Variants in SPPL3 observed in about 807,000 individuals in gnomAD.
SPPL3 encodes signal peptide peptidase-like 3.
A neutral mutation model predicts 42.4 loss-of-function variants in SPPL3; 5 were observed. The observed-to-expected ratio is 0.12, with a 90% CI of 0.06 to 0.25. SPPL3 has a LOEUF of 0.25. Among genes scored for constraint, SPPL3 ranks in the 10% least tolerant of loss-of-function variants. The pLI, the probability that SPPL3 is intolerant of heterozygous loss-of-function variation, is 1.00. For synonymous variants in SPPL3, 195 were observed against 181.8 expected (o/e 1.07, Z -0.58); for missense variants, 235 against 489.0 (o/e 0.48, Z 4.90).
chr12:120,870,732 C>T (rs1285892169), intron 1 of SPPL3, among the ~76,000 whole-genome samples: 1 of 152,038 alleles, frequency 6.6e-6, no homozygotes, highest in Non-Finnish European at 1.5e-5. Flanking sequence ...GTATGCCAGT[C>T]ACAAAAGGAC....
intron 1 of SPPL3, 96 bp downstream of exon 1, chr12:120,903,749 C>A: frequency 1.5e-6 from 1 of 649,330 alleles, no homozygotes; most frequent in Non-Finnish European, 2.3e-6. Flanking sequence ...CCCCACGACA[C>A]GCACCTGTTC....
chr12:120,816,423 A>G (rs970671390), intron 1 of SPPL3, among the ~76,000 whole-genome samples: 1 of 152,280 alleles, frequency 6.6e-6, no homozygotes, highest in Admixed American at 6.5e-5. Context: ...TTTACCAAAT[A>G]TCACATAACT....
chr12:120,900,392 A>G (rs1440995560), intron 1 of SPPL3, among the ~76,000 whole-genome samples: 2 of 151,368 alleles, frequency 1.3e-5, no homozygotes, highest in Non-Finnish European at 2.9e-5. Flanking sequence ...CAGGCAGATC[A>G]CTTGGGCTGA....
intron 8 of SPPL3, among the ~76,000 whole-genome samples, chr12:120,767,817 C>A (rs1278877385): frequency 6.6e-6 from 1 of 152,176 alleles, no homozygotes; most frequent in Non-Finnish European, 1.5e-5. Flanking sequence ...AGGAGAGCCC[C>A]TTGGAAGTGA....
chr12:120,894,317 T>C (rs867235956), intron 1 of SPPL3, among the ~76,000 whole-genome samples: 4 of 152,034 alleles, frequency 2.6e-5, no homozygotes, highest in Middle Eastern at 3.4e-3. Flanking sequence ...AGACCGAAAC[T>C]CCATCTCAAA....
chr12:120,873,748 T>A (rs539836989), intron 1 of SPPL3, among the ~76,000 whole-genome samples: 1 of 152,184 alleles, frequency 6.6e-6, no homozygotes, highest in East Asian at 1.9e-4. Context: ...GGCACGTGCC[T>A]GTAATCCCAG....
intron 3 of SPPL3, among the ~76,000 whole-genome samples, chr12:120,788,844 A>G (rs563489394): frequency 2.6e-5 from 4 of 152,060 alleles, no homozygotes; most frequent in Non-Finnish European, 5.9e-5. Context: ...ATTGTTAATC[A>G]TCCAGGACTT....
intron 1 of SPPL3, among the ~76,000 whole-genome samples, chr12:120,825,185 AAATTTT>A (rs1871202746): frequency 6.6e-6 from 1 of 152,248 alleles, no homozygotes; most frequent in South Asian, 2.1e-4. Flanking sequence ...CAATGTTCAC[AAATTTT>A]AATTCATTAA....
chr12:120,829,794 A>G (rs1408613673), intron 1 of SPPL3, among the ~76,000 whole-genome samples: 1 of 151,996 alleles, frequency 6.6e-6, no homozygotes. Context: ...CGGGAGTTTG[A>G]GCCAGCCTGG....
intron 3 of SPPL3, among the ~76,000 whole-genome samples, chr12:120,789,451 C>CAAAAA (rs60082359): frequency 2.1e-5 from 2 of 96,200 alleles, no homozygotes; most frequent in African/African-American, 4.0e-5. Context: ...GACTCTGTCT[C>CAAAAA]AAAAAAAAAA....
rs3050392 is a variant in SPPL3 at position 120,789,824 on chromosome 12, C to CAAAAAAAAAAAA, written c.190+1633_190+1644dup. 3.3e-3 allele frequency among the ~76,000 whole-genome samples: 100 copies of CAAAAAAAAAAAA among 30,460 alleles called. 7 individuals carry two copies. The East Asian group carries it at 0.038, about 11-fold the overall frequency. 20.0% of individuals were successfully genotyped at this position (30,460 alleles called of 152,430 possible). ...TGAATGACAGAGCAAGACTCCGTCTCAAAAAAAAAAAAAAAAAAAAAAAAA... is the reference window on the plus strand; with the variant it reads ...TGAATGACAGAGCAAGACTCCGTCTCAAAAAAAAAAAAAAAAAAAAAAAAAAAAAAAAAAAAA... On this transcript the variant is annotated intron_variant, in intron 3 of 10. Transcript: ENST00000353487.
intron 1 of SPPL3, among the ~76,000 whole-genome samples, chr12:120,820,305 A>ATTTT (rs754034719): frequency 4.7e-4 from 65 of 138,992 alleles, no homozygotes; most frequent in Non-Finnish European, 8.0e-4. Flanking sequence ...TCTTTCTCTA[A>ATTTT]ATTTTTTTTT....
chr12:120,800,649 TA>T (rs1355618083), intron 2 of SPPL3, among the ~76,000 whole-genome samples: 4 of 152,214 alleles, frequency 2.6e-5, no homozygotes, highest in African/African-American at 4.8e-5. Context: ...TATTATATGC[TA>T]TTTTTTTTTG....
chr12:120,893,302 T>C (rs1873703208), intron 1 of SPPL3, among the ~76,000 whole-genome samples: 1 of 151,528 alleles, frequency 6.6e-6, no homozygotes, highest in Admixed American at 6.6e-5. Context: ...TACAAAAAAT[T>C]ATCCAGGCGT....
intron 2 of SPPL3, among the ~76,000 whole-genome samples, chr12:120,804,977 A>C (rs1397554659): frequency 1.3e-5 from 2 of 152,240 alleles, no homozygotes; most frequent in African/African-American, 4.8e-5. Flanking sequence ...CAGTAACAAA[A>C]GGTCACATAC....
At chr12:120,864,753 A>C (rs1363870042) in intron 1 of SPPL3, among the ~76,000 whole-genome samples, 1 of 152,232 alleles carries the variant, frequency 6.6e-6, no homozygotes, top group Non-Finnish European at 1.5e-5. Context: ...TCCTTAAAAC[A>C]ACCACAGTAC....
At chr12:120,775,043 G>A (rs1002299333) in intron 6 of SPPL3, among the ~76,000 whole-genome samples, 2 of 152,156 alleles carry the variant, frequency 1.3e-5, no homozygotes, top group Admixed American at 6.5e-5. Flanking sequence ...TGTTCTCTAC[G>A]AGGATGACAT....
intron 1 of SPPL3, among the ~76,000 whole-genome samples, chr12:120,827,856 T>G (rs956777503): frequency 6.6e-6 from 1 of 152,136 alleles, no homozygotes; most frequent in Non-Finnish European, 1.5e-5. Context: ...GGTGCCATCT[T>G]GGCTCACTGC....
intron 1 of SPPL3, among the ~76,000 whole-genome samples, chr12:120,879,113 CAAAA>C (rs63543261): frequency 3.7e-4 from 24 of 65,112 alleles, no homozygotes; most frequent in South Asian, 8.2e-4. Flanking sequence ...AACTCTGTCT[CAAAA>C]AAAAAAAAAA....
Sources: gnomAD v4.1 joint callset for allele counts (sites outside exome capture counted in the v4.1 genomes callset) on GRCh38, gnomAD v4.1.1 for gene constraint, MANE v1.5 for transcripts, NCBI Gene and HGNC (gene_info 2026-07-23, HGNC 2026-07-21) for gene names.